FTO: variants seen among roughly 807,000 people sequenced by gnomAD.
The protein encoded by FTO is FTO alpha-ketoglutarate dependent dioxygenase.
Under a neutral mutation model 63.9 loss-of-function variants are expected in FTO, and 47 were observed. That is an observed-to-expected ratio of 0.74 (90% CI 0.58 to 0.94). The LOEUF is 0.94. Among genes scored for constraint, FTO ranks in the 40% least tolerant of loss-of-function variants. The probability of loss-of-function intolerance (pLI) is 0.00; values close to 1 mark genes in which losing one functional copy is unlikely to be tolerated. For missense variants in FTO, 562 were observed against 618.1 expected, an observed-to-expected ratio of 0.91 and a Z score of 0.96; for synonymous variants, 207 against 224.4, an observed-to-expected ratio of 0.92 and a Z score of 0.69.
At chr16:54,073,790 G>A (rs1178334159) in intron 8 of FTO, among the ~76,000 whole-genome samples, 1 of 151,994 alleles carries the variant, frequency 6.6e-6, no homozygotes, top group African/African-American at 2.4e-5. Flanking sequence ...GAATACTCAT[G>A]TACAGAATTT....
At chr16:53,748,682 C>A (rs1329727851) in intron 1 of FTO, among the ~76,000 whole-genome samples, 5 of 152,164 alleles carry the variant, frequency 3.3e-5, no homozygotes, top group Non-Finnish European at 7.3e-5. Context: ...TCTTGAACTC[C>A]TGACGTCAGG....
intron 8 of FTO, among the ~76,000 whole-genome samples, chr16:54,002,096 G>T (rs1389256485): frequency 2.0e-5 from 3 of 152,198 alleles, no homozygotes; most frequent in African/African-American, 7.2e-5. Flanking sequence ...GTGTCCAGCA[G>T]TCCTTTTATC....
At chr16:54,103,924 C>A (rs2086691898) in intron 8 of FTO, among the ~76,000 whole-genome samples, 1 of 152,092 alleles carries the variant, frequency 6.6e-6, no homozygotes, top group Non-Finnish European at 1.5e-5. Flanking sequence ...GTGTCCTCTT[C>A]CATGAGGTTA....
At chr16:54,004,756 G>A (rs1293017762) in intron 8 of FTO, among the ~76,000 whole-genome samples, 2 of 152,146 alleles carry the variant, frequency 1.3e-5, no homozygotes, top group African/African-American at 2.4e-5. Context: ...GAAGCTATCT[G>A]TGTAGCTTGA....
At chr16:54,004,260 C>T (rs2084139801) in intron 8 of FTO, among the ~76,000 whole-genome samples, 1 of 152,132 alleles carries the variant, frequency 6.6e-6, no homozygotes, top group African/African-American at 2.4e-5. Flanking sequence ...AGCATGGTGA[C>T]ATCCGCCTGT....
At chr16:54,005,664 A>G (rs1406973543) in intron 8 of FTO, among the ~76,000 whole-genome samples, 2 of 152,202 alleles carry the variant, frequency 1.3e-5, no homozygotes, top group African/African-American at 2.4e-5. Context: ...TTCATGATTC[A>G]TGAAGTATTT....
At chr16:53,922,470 C>CA (rs1239700715) in intron 7 of FTO, among the ~76,000 whole-genome samples, 8 of 150,022 alleles carry the variant, frequency 5.3e-5, no homozygotes, top group South Asian at 2.1e-4. Context: ...AATCCACAGA[C>CA]AAAAAAAAAT....
At chr16:53,827,744 A>C (rs1411112692) in intron 3 of FTO, among the ~76,000 whole-genome samples, 1 of 152,202 alleles carries the variant, frequency 6.6e-6, no homozygotes. Context: ...ATGCTGACCT[A>C]AGAAAATCGC....
At chr16:53,946,285 G>A (rs978514401) in intron 8 of FTO, among the ~76,000 whole-genome samples, 1 of 152,182 alleles carries the variant, frequency 6.6e-6, no homozygotes, top group African/African-American at 2.4e-5. Flanking sequence ...GACTTCTCAG[G>A]TATTGGTCAG....
In FTO at chr16:54,118,300, G is replaced by C. The variant is rs1180095253; in HGVS notation, c.*6385G>C. The C allele has an allele frequency of 2.0e-5, 3 of 151,850 alleles. No homozygotes were observed. The highest frequency in any genetic ancestry group is 4.4e-5 in the Non-Finnish European group (3 of 68,002). 9.4% of individuals were successfully genotyped at this position (151,850 alleles called of 1,614,324 possible). On this transcript the variant is annotated 3_prime_UTR_variant, in exon 9 of 9. Coordinates refer to ENST00000471389, the MANE Select transcript of FTO (RefSeq NM_001080432.3). ...TGGTTCCAGATCCTGTGTGCTTCGG[G>C]TAATTCTGACCCTCTTCATTAGTGA...
intron 6 of FTO, among the ~76,000 whole-genome samples, chr16:53,882,343 C>T (rs2080860317): frequency 6.8e-6 from 1 of 146,282 alleles, no homozygotes; most frequent in Admixed American, 6.9e-5. Context: ...GTAAATTATA[C>T]AGTATGTTAG....
chr16:53,787,213 A>T (rs17817712), intron 1 of FTO, among the ~76,000 whole-genome samples: 3 of 149,786 alleles, frequency 2.0e-5, no homozygotes, highest in Admixed American at 6.7e-5. Context: ...CGTTTGCTTT[A>T]CAACTTCTAT....
At position 53,826,490 on chromosome 16, in the gene FTO, A is replaced by C; in HGVS notation, c.750A>C (p.Glu250Asp). The C allele has an allele frequency of 1.2e-6, 2 of 1,614,106 alleles. No individual in the cohort carries two copies. The highest frequency in any genetic ancestry group is 1.7e-6 in the Non-Finnish European group (2 of 1,180,014). Residue 250 changes from glutamate (E) to aspartate (D), a missense_variant and splice_region_variant, in exon 3 of 9, where the codon GAA becomes GAC. Glu to Asp is a conservative substitution (Grantham distance 45). Transcript: ENST00000471389. ...SAVAVYSYSC[E>D]GPEEESEDDS... is the part of the protein sequence containing the mutation. The stretch of plus-strand genomic sequence containing the variant: ...TGGCAGTGTACAGTTATAGCTGTGA[A>C]GGTACAGTCTGCTCTTGGAAAAAGC...
chr16:54,071,812 A>G (rs2085879216), intron 8 of FTO: 1 of 152,172 alleles, frequency 6.6e-6, no homozygotes, highest in Non-Finnish European at 1.5e-5. Context: ...TAGAAGGCCC[A>G]CTGGAGAATT....
At chr16:53,812,084 G>T (rs1393742437) in intron 2 of FTO, among the ~76,000 whole-genome samples, 1 of 151,776 alleles carries the variant, frequency 6.6e-6, no homozygotes, top group Non-Finnish European at 1.5e-5. Context: ...AAGTGCTGGG[G>T]TTACAGGCAT....
At chr16:53,907,717 C>T (rs2081574493) in intron 7 of FTO, among the ~76,000 whole-genome samples, 1 of 152,184 alleles carries the variant, frequency 6.6e-6, no homozygotes, top group Non-Finnish European at 1.5e-5. Flanking sequence ...AGTCTAATCA[C>T]ATCATGCTCC....
At chr16:53,938,476 T>C (rs933477129) in intron 8 of FTO, among the ~76,000 whole-genome samples, 2 of 152,246 alleles carry the variant, frequency 1.3e-5, no homozygotes, top group African/African-American at 4.8e-5. Context: ...CATGTAGCTC[T>C]GTTCTTTTGC....
intron 1 of FTO, among the ~76,000 whole-genome samples, chr16:53,747,578 A>G (rs1357795111): frequency 1.3e-5 from 2 of 152,108 alleles, no homozygotes; most frequent in Non-Finnish European, 2.9e-5. Context: ...TATTAATCAG[A>G]TGTATAGCTT....
chr16:53,851,411 A>G (rs2079791737), intron 4 of FTO, among the ~76,000 whole-genome samples: 1 of 151,296 alleles, frequency 6.6e-6, no homozygotes. Context: ...GCGAGTCAAG[A>G]TTGCACCACT....
Sources: allele counts gnomAD v4.1 joint callset (sites outside exome capture counted in the v4.1 genomes callset), GRCh38; gene constraint gnomAD v4.1.1; transcripts MANE v1.5; gene names NCBI Gene and HGNC (gene_info 2026-07-23, HGNC 2026-07-21).